Variants in CNTN5 observed in about 807,000 individuals in gnomAD.
The protein encoded by CNTN5 is contactin 5, also known as contactin-5.
Under a neutral mutation model 129.1 loss-of-function variants are expected in CNTN5, and 77 were observed. The ratio of observed to expected loss-of-function variants is 0.60; its 90% CI spans 0.50 to 0.72. The LOEUF (loss-of-function observed/expected upper bound fraction) is 0.72. Among genes scored for constraint, CNTN5 ranks in the 30% least tolerant of loss-of-function variants. The probability of loss-of-function intolerance (pLI) is 0.00; values close to 1 mark genes in which losing one functional copy is unlikely to be tolerated. For synonymous variants in CNTN5, 509 were observed against 465.6 expected (o/e 1.09, Z -1.20); for missense variants, 1,478 against 1,328.8 (o/e 1.11, Z -1.75).
At chr11:99,115,003 CT>C (rs2135391918) in intron 1 of CNTN5, among the ~76,000 whole-genome samples, 1 of 152,244 alleles carries the variant, frequency 6.6e-6, no homozygotes, top group African/African-American at 2.4e-5. Context: ...AGAGAGCTCC[CT>C]TCCCCCTTCT....
intron 8 of CNTN5, among the ~76,000 whole-genome samples, chr11:99,959,331 G>A (rs1323640423): frequency 1.3e-5 from 2 of 152,038 alleles, no homozygotes; most frequent in Non-Finnish European, 2.9e-5. Flanking sequence ...TCCTTAGACT[G>A]GATTGCCTCA....
At chr11:100,019,167 A>G (rs1940988442) in intron 9 of CNTN5, among the ~76,000 whole-genome samples, 1 of 151,834 alleles carries the variant, frequency 6.6e-6, no homozygotes, top group Non-Finnish European at 1.5e-5. Flanking sequence ...CCAAATTTTC[A>G]ATTTTTTGTG....
intron 7 of CNTN5, among the ~76,000 whole-genome samples, chr11:99,944,813 A>C (rs1342656856): frequency 1.3e-5 from 2 of 152,110 alleles, no homozygotes; most frequent in Non-Finnish European, 2.9e-5. Context: ...AAGGGACATG[A>C]AGGGACCTCT....
At chr11:100,016,056 C>A (rs1204817121) in intron 9 of CNTN5, among the ~76,000 whole-genome samples, 1 of 152,050 alleles carries the variant, frequency 6.6e-6, no homozygotes, top group Non-Finnish European at 1.5e-5. Flanking sequence ...AGAAAACTTT[C>A]TCTTATGTCT....
At chr11:99,238,292 A>T (rs186312358) in intron 1 of CNTN5, among the ~76,000 whole-genome samples, 2 of 152,304 alleles carry the variant, frequency 1.3e-5, no homozygotes, top group East Asian at 3.9e-4. Flanking sequence ...AAGACACTTT[A>T]GAAAGTGATT....
rs182906640 is a variant in CNTN5 at position 99,086,407 on chromosome 11, C to T, written c.-210+65137C>T. On this transcript the variant is annotated intron_variant, in intron 1 of 24. Coordinates refer to ENST00000524871, the MANE Select transcript of CNTN5 (RefSeq NM_014361.4). ...TCTGCAGGCTATACAGGAAGCATGG[C>T]GCCAGCATCCACCTCTGGTGAGGTC... is the stretch of plus-strand genomic sequence containing the variant. 3.4e-3 allele frequency among the ~76,000 whole-genome samples: 522 copies of T among 152,256 alleles called. 3 individuals are homozygous for T. The highest frequency in any genetic ancestry group is 0.012 in the African/African-American group (501 of 41,536).
intron 13 of CNTN5, among the ~76,000 whole-genome samples, chr11:100,136,529 TTA>T (rs1342256410): frequency 3.3e-5 from 5 of 152,182 alleles, no homozygotes; most frequent in African/African-American, 7.2e-5. Flanking sequence ...TTAATTTATT[TTA>T]GTTTTTTGTA....
intron 1 of CNTN5, among the ~76,000 whole-genome samples, chr11:99,085,015 TTTG>T (rs1466200365): frequency 1.3e-5 from 2 of 152,188 alleles, no homozygotes; most frequent in East Asian, 3.9e-4. Context: ...GGAAAGAAGA[TTTG>T]TTAAGAAAGT....
intron 2 of CNTN5, among the ~76,000 whole-genome samples, chr11:99,417,923 T>C (rs111358280): frequency 2.0e-5 from 3 of 152,278 alleles, no homozygotes; most frequent in African/African-American, 7.2e-5. Flanking sequence ...AAAAGTTTCA[T>C]GTTTAAACGG....
chr11:99,235,261 AAAAT>A (rs1330866242), intron 1 of CNTN5, among the ~76,000 whole-genome samples: 3 of 152,142 alleles, frequency 2.0e-5, no homozygotes, highest in Non-Finnish European at 4.4e-5. Context: ...TGAAGAATAA[AAAAT>A]AAAAGCAAGA....
chr11:99,047,695 A>T (rs924246842), intron 1 of CNTN5, among the ~76,000 whole-genome samples: 3 of 152,074 alleles, frequency 2.0e-5, no homozygotes, highest in African/African-American at 7.2e-5. Context: ...TACTCTATTA[A>T]TCAGAACAGA....
At chr11:99,235,357 A>G (rs1350198427) in intron 1 of CNTN5, among the ~76,000 whole-genome samples, 1 of 152,154 alleles carries the variant, frequency 6.6e-6, no homozygotes, top group Non-Finnish European at 1.5e-5. Context: ...TTACATGTAT[A>G]CTTTGGGACC....
At chr11:99,137,939 C>T (rs190652416) in intron 1 of CNTN5, among the ~76,000 whole-genome samples, 126 of 152,250 alleles carry the variant, frequency 8.3e-4, no homozygotes, top group Admixed American at 7.2e-4. Flanking sequence ...GTGTGTGTAA[C>T]ATTATCTTTG....
At chr11:100,104,131 G>A (rs1591250842) in intron 13 of CNTN5, among the ~76,000 whole-genome samples, 1 of 133,738 alleles carries the variant, frequency 7.5e-6, no homozygotes, top group African/African-American at 2.8e-5. Flanking sequence ...GTCTTTCTCT[G>A]TCACCCAAGC....
intron 3 of CNTN5, among the ~76,000 whole-genome samples, chr11:99,613,391 A>C (rs143272029): frequency 1.3e-5 from 2 of 152,176 alleles, no homozygotes; most frequent in East Asian, 3.9e-4. Flanking sequence ...GCCTTCCGCC[A>C]TGTTTGTGAG....
At position 100,061,541 on chromosome 11, in the gene CNTN5, G is replaced by A. The variant is rs1943484072; in HGVS notation, c.1162+148G>A. 5.2e-6 allele frequency: 3 copies of A among 582,130 alleles called. No homozygotes were observed. The East Asian group carries it at 8.4e-5, about 16-fold the overall frequency. The allele number at this position is 582,130 out of a possible 1,614,324, so 36.1% of individuals were successfully genotyped here. A position where few individuals can be genotyped will look rare whatever the true frequency, so the allele number is the denominator to read the frequency against. ...CTTCATTCGTATGGTAAGGCATCATGTCAAATTACCCTATACATAGAAATG... is the reference window on the plus strand; with the variant it reads ...CTTCATTCGTATGGTAAGGCATCATATCAAATTACCCTATACATAGAAATG... On this transcript the variant is annotated intron_variant, in intron 10 of 24. Transcript: ENST00000524871.
intron 6 of CNTN5, among the ~76,000 whole-genome samples, chr11:99,915,064 G>A (rs1238410457): frequency 6.6e-6 from 1 of 151,930 alleles, no homozygotes; most frequent in African/African-American, 2.4e-5. Context: ...TACAATTTGT[G>A]CCTAATGGAA....
At chr11:99,930,631 G>A (rs1273871585) in intron 7 of CNTN5, among the ~76,000 whole-genome samples, 2 of 152,118 alleles carry the variant, frequency 1.3e-5, no homozygotes, top group African/African-American at 4.8e-5. Flanking sequence ...TTTATTTTGT[G>A]TATACGTAGG....
At chr11:100,091,188 G>T (rs555863977) in intron 13 of CNTN5, among the ~76,000 whole-genome samples, 31 of 151,514 alleles carry the variant, frequency 2.0e-4, no homozygotes, top group Non-Finnish European at 2.8e-4. Context: ...TATTCCTACT[G>T]CAGGACAAGG....
Sources: gnomAD v4.1 joint callset for allele counts (sites outside exome capture counted in the v4.1 genomes callset) on GRCh38, gnomAD v4.1.1 for gene constraint, MANE v1.5 for transcripts, NCBI Gene and HGNC (gene_info 2026-07-23, HGNC 2026-07-21) for gene names.